The following AHI1 variants were observed in gnomAD, a reference collection of about 807,000 sequenced individuals.
AHI1 encodes Abelson helper integration site 1, also known as jouberin.
A neutral mutation model predicts 149.3 loss-of-function variants in AHI1; 123 were observed. The observed-to-expected ratio is 0.82, with a 90% CI of 0.71 to 0.96. The LOEUF (loss-of-function observed/expected upper bound fraction) is 0.96. Ranked by LOEUF, AHI1 falls within the 40% of genes least tolerant of loss-of-function variation. The pLI is 0.00. For synonymous variants in AHI1, 475 were observed against 459.8 expected, an observed-to-expected ratio of 1.03 and a Z score of -0.42; for missense variants, 1,439 against 1,422.7, an observed-to-expected ratio of 1.01 and a Z score of -0.18.
intron 23 of AHI1, chr6:135,387,794 C>T: frequency 7.6e-7 from 1 of 1,321,204 alleles, no homozygotes; most frequent in Non-Finnish European, 9.7e-7. Context: ...TAACCTCATA[C>T]TGTTTATTCT....
intron 24 of AHI1, among the ~76,000 whole-genome samples, chr6:135,347,862 G>C (rs1275217814): frequency 6.6e-6 from 1 of 152,176 alleles, no homozygotes; most frequent in Non-Finnish European, 1.5e-5. Context: ...AGTACTCCCA[G>C]AGAAGTCTGC....
intron 23 of AHI1, among the ~76,000 whole-genome samples, chr6:135,360,020 T>C (rs1298315656): frequency 6.6e-6 from 1 of 152,144 alleles, no homozygotes; most frequent in Non-Finnish European, 1.5e-5. Context: ...AGATTACATA[T>C]ATAAATAATA....
intron 23 of AHI1, chr6:135,394,535 C>T (rs1369052935): frequency 4.3e-6 from 2 of 465,036 alleles, no homozygotes; most frequent in African/African-American, 4.0e-5. Flanking sequence ...ACGTGTTTTG[C>T]TAGTTTTAAA....
chr6:135,316,057 C>CA (rs11314127), intron 26 of AHI1, among the ~76,000 whole-genome samples: 1 of 151,776 alleles, frequency 6.6e-6, no homozygotes, highest in Non-Finnish European at 1.5e-5. Context: ...GTTGAGAAAA[C>CA]AAAAAAACAT....
intron 26 of AHI1, among the ~76,000 whole-genome samples, chr6:135,317,602 G>A (rs1786164051): frequency 6.6e-6 from 1 of 151,900 alleles, no homozygotes; most frequent in Admixed American, 6.6e-5. Flanking sequence ...AGAGTCTACT[G>A]GACTTGCTTG....
At chr6:135,361,991 T>C (rs1793964590) in intron 23 of AHI1, among the ~76,000 whole-genome samples, 1 of 152,160 alleles carries the variant, frequency 6.6e-6, no homozygotes, top group African/African-American at 2.4e-5. Flanking sequence ...CCCTCACCCC[T>C]GTCCCACCCT....
At chr6:135,344,497 T>A (rs1790868214) in intron 24 of AHI1, among the ~76,000 whole-genome samples, 1 of 151,760 alleles carries the variant, frequency 6.6e-6, no homozygotes, top group African/African-American at 2.4e-5. Flanking sequence ...TTAGGTATAA[T>A]TATTATTAAA....
chr6:135,314,189 T>C (rs933483657), intron 26 of AHI1, among the ~76,000 whole-genome samples: 1 of 152,196 alleles, frequency 6.6e-6, no homozygotes, highest in South Asian at 2.1e-4. Context: ...CTCAACAAGA[T>C]GGTTGTTAGG....
chr6:135,323,585 T>C (rs1176586480), intron 24 of AHI1, among the ~76,000 whole-genome samples: 1 of 152,202 alleles, frequency 6.6e-6, no homozygotes, highest in African/African-American at 2.4e-5. Context: ...TGTTAATTTT[T>C]TAAAGTAAAT....
At chr6:135,308,975 A>C (rs1784836189) in intron 26 of AHI1, among the ~76,000 whole-genome samples, 1 of 152,232 alleles carries the variant, frequency 6.6e-6, no homozygotes, top group African/African-American at 2.4e-5. Flanking sequence ...TATGGAGAGC[A>C]CTTGCCCAAA....
intron 5 of AHI1, among the ~76,000 whole-genome samples, chr6:135,470,130 A>G (rs998292900): frequency 1.3e-5 from 2 of 151,976 alleles, no homozygotes; most frequent in South Asian, 4.2e-4. Context: ...GAAAAAAACT[A>G]AACGACCCCA....
chr6:135,418,210 C>T (rs1402837278), intron 20 of AHI1, among the ~76,000 whole-genome samples: 1 of 152,086 alleles, frequency 6.6e-6, no homozygotes, highest in Non-Finnish European at 1.5e-5. Context: ...AATACAGACA[C>T]TGGCCCCACT....
At chr6:135,355,355 A>G (rs944561329) in intron 24 of AHI1, among the ~76,000 whole-genome samples, 8 of 147,216 alleles carry the variant, frequency 5.4e-5, no homozygotes, top group African/African-American at 2.1e-4. Context: ...TGTAAGAAAG[A>G]AAAAAAAAAC....
intron 23 of AHI1, among the ~76,000 whole-genome samples, chr6:135,360,110 T>C (rs540992057): frequency 9.0e-4 from 137 of 152,278 alleles, no homozygotes; most frequent in Non-Finnish European, 1.8e-3. Context: ...GAAAAAAATG[T>C]ATCAAAATAA....
At position 135,285,624 on chromosome 6, in the gene AHI1, TCTTAA is replaced by T. The variant is rs1781579965; in HGVS notation, c.*16_*20del. ...TTTCACCTCTGTGCATTTCGGCAGC[TCTTAA>T]CTTTTCTTCAATTCTTTACTGGAAA... is the stretch of plus-strand genomic sequence containing the variant. On this transcript the variant is annotated 3_prime_UTR_variant, in exon 29 of 29. Transcript: ENST00000265602. The T allele has an allele frequency of 6.2e-7, 1 of 1,607,260 alleles. No individual in the cohort carries two copies. Among genetic ancestry groups the T allele is most frequent in the African/African-American group, 1.3e-5 (1 of 74,758 alleles).
At chr6:135,292,054 A>G (rs182070348) in intron 27 of AHI1, among the ~76,000 whole-genome samples, 2 of 152,296 alleles carry the variant, frequency 1.3e-5, no homozygotes, top group East Asian at 3.9e-4. Context: ...ATTTTCAAGA[A>G]GTCAGAAATC....
chr6:135,315,038 T>C (rs1158034029), intron 26 of AHI1, among the ~76,000 whole-genome samples: 1 of 152,202 alleles, frequency 6.6e-6, no homozygotes, highest in Non-Finnish European at 1.5e-5. Context: ...GGTTTGGTGA[T>C]TTCAATGTGA....
intron 24 of AHI1, among the ~76,000 whole-genome samples, chr6:135,344,517 T>A (rs1029373111): frequency 6.6e-6 from 1 of 151,888 alleles, no homozygotes; most frequent in Non-Finnish European, 1.5e-5. Flanking sequence ...ATTCCTAAGT[T>A]ATTTGACTAT....
In AHI1 at chr6:135,466,463, G is replaced by A. The variant is rs1790788134; in HGVS notation, c.190-90C>T. On this transcript the variant is annotated intron_variant, in intron 6 of 28. Coordinates refer to ENST00000265602, the MANE Select transcript of AHI1 (RefSeq NM_001134831.2). ...CTAATAATTAATATTTGACAATGTG[G>A]AATTATTGGGAGGATTATTTAGTTT... is the stretch of plus-strand genomic sequence containing the variant. The A allele has an allele frequency of 3.4e-6, 4 of 1,162,096 alleles. No individual in the cohort carries two copies. In the East Asian group the frequency reaches 7.1e-5, roughly 21 times the overall value. 72.0% of individuals were successfully genotyped at this position (1,162,096 alleles called of 1,614,324 possible).
Sources: gnomAD v4.1 joint callset for allele counts (sites outside exome capture counted in the v4.1 genomes callset) on GRCh38, gnomAD v4.1.1 for gene constraint, MANE v1.5 for transcripts, NCBI Gene and HGNC (gene_info 2026-07-23, HGNC 2026-07-21) for gene names.